CHODL: variants seen among roughly 807,000 people sequenced by gnomAD.
CHODL encodes the protein chondrolectin, also known as transmembrane protein MT75.
Under a neutral mutation model 34.5 loss-of-function variants are expected in CHODL, and 29 were observed. The ratio of observed to expected loss-of-function variants is 0.84; its 90% confidence interval spans 0.63 to 1.15. The LOEUF (loss-of-function observed/expected upper bound fraction) is 1.15. Ranked by LOEUF, CHODL falls within the 50% of genes most tolerant of loss-of-function variation. The probability of loss-of-function intolerance (pLI) is 0.00; values close to 1 mark genes in which losing one functional copy is unlikely to be tolerated. For missense variants in CHODL, 332 were observed against 332.5 expected (o/e 1.00, Z 0.01); for synonymous variants, 125 against 116.1 (o/e 1.08, Z -0.49).
intron 1 of CHODL, among the ~76,000 whole-genome samples, chr21:17,977,850 T>G (rs202416): frequency 7.2e-6 from 1 of 139,088 alleles, no homozygotes; most frequent in Non-Finnish European, 1.5e-5. Context: ...ACCTGGGAGG[T>G]GGAGGTTGCA....
chr21:18,164,611 A>G (rs1029556822), intron 2 of CHODL, among the ~76,000 whole-genome samples: 2 of 152,206 alleles, frequency 1.3e-5, no homozygotes, highest in African/African-American at 2.4e-5. Context: ...CACCTACATC[A>G]TAAGATTTTT....
At chr21:18,005,850 T>C (rs157751) in intron 1 of CHODL, among the ~76,000 whole-genome samples, 5,298 of 152,140 alleles carry the variant, frequency 0.035, 288 homozygotes, top group African/African-American at 0.12. Context: ...AGGGAGAGCA[T>C]CAGGCAGAAT....
At chr21:18,185,465 A>G (rs913130047) in intron 2 of CHODL, among the ~76,000 whole-genome samples, 2 of 152,126 alleles carry the variant, frequency 1.3e-5, no homozygotes, top group Non-Finnish European at 2.9e-5. Flanking sequence ...CTACCTGTGA[A>G]CACTGCTGCA....
Position 18,262,880 on chromosome 21 carries a change from A to G in CHODL, c.724A>G (p.Met242Val). 6.3e-7 allele frequency: 1 copy of G among 1,596,678 alleles called. No homozygotes were observed. The part of the protein sequence containing the change: ...LVAFGTCCFQ[M>V]LHKSKGRTKT... ...TGCTTTTGGAACCTGTTGTTTCCAGATGCTGCATAAAAGGTAAATAACTCA... is the reference window on the plus strand; with the variant it reads ...TGCTTTTGGAACCTGTTGTTTCCAGGTGCTGCATAAAAGGTAAATAACTCA... Residue 242 changes from methionine (M) to valine (V), a missense_variant, in exon 5 of 6, where the codon ATG (methionine) becomes GTG (valine). By Grantham distance (21) the Met-to-Val change is conservative (BLOSUM62 1). Transcript: ENST00000299295.
intron 2 of CHODL, among the ~76,000 whole-genome samples, chr21:18,104,309 T>G (rs527750229): frequency 6.6e-6 from 1 of 152,162 alleles, no homozygotes; most frequent in Non-Finnish European, 1.5e-5. Context: ...TAGTGAGTTC[T>G]CATGAAAATC....
At chr21:18,219,435 G>A (rs1204285932) in intron 2 of CHODL, among the ~76,000 whole-genome samples, 2 of 152,062 alleles carry the variant, frequency 1.3e-5, no homozygotes, top group Non-Finnish European at 2.9e-5. Context: ...AAGACACATG[G>A]ATATTATGGG....
chr21:18,107,574 A>G (rs1225095480), intron 2 of CHODL, among the ~76,000 whole-genome samples: 1 of 152,212 alleles, frequency 6.6e-6, no homozygotes. Flanking sequence ...AGCCTTGTGA[A>G]GAGTTTCCTG....
chr21:18,256,845 A>T (rs1568960876), intron 2 of CHODL, 27 bp downstream of exon 2: 5 of 1,599,352 alleles, frequency 3.1e-6, no homozygotes, highest in Non-Finnish European at 4.3e-6. Flanking sequence ...AGCAGTTGGC[A>T]GGTGCTCTGG....
At chr21:17,955,631 G>GA (rs974054871) in intron 1 of CHODL, among the ~76,000 whole-genome samples, 14 of 136,934 alleles carry the variant, frequency 1.0e-4, no homozygotes, top group African/African-American at 2.8e-4. Flanking sequence ...AAATATACCT[G>GA]AAAATCATAT....
intron 2 of CHODL, among the ~76,000 whole-genome samples, chr21:18,128,486 G>C: frequency 6.6e-6 from 1 of 151,944 alleles, no homozygotes; most frequent in African/African-American, 2.4e-5. Context: ...ATTCCATTAA[G>C]GAAACTTCAA....
intron 1 of CHODL, among the ~76,000 whole-genome samples, chr21:18,248,892 TATA>T (rs1424015941): frequency 2.7e-5 from 3 of 110,738 alleles, no homozygotes; most frequent in Admixed American, 1.0e-4. Context: ...GTACCTATAA[TATA>T]ATACATATAT....
At chr21:18,080,154 G>T (rs2064923962) in intron 2 of CHODL, among the ~76,000 whole-genome samples, 1 of 152,032 alleles carries the variant, frequency 6.6e-6, no homozygotes, top group South Asian at 2.1e-4. Context: ...ATTAGTTCAT[G>T]TTCTTTGCTC....
At chr21:17,953,408 AGTGAGCCACGATT>A (rs1323610915) in intron 1 of CHODL, among the ~76,000 whole-genome samples, 1 of 152,154 alleles carries the variant, frequency 6.6e-6, no homozygotes, top group Admixed American at 6.5e-5. Flanking sequence ...TAGAGACTAC[AGTGAGCCACGATT>A]GTGCCACTGC....
At chr21:18,040,819 C>T (rs1394739) in intron 2 of CHODL, among the ~76,000 whole-genome samples, 65,472 of 151,448 alleles carry the variant, frequency 0.43, 14,430 homozygotes, top group Admixed American at 0.51. Flanking sequence ...GTAAAAAAAT[C>T]AGATGATATA....
At chr21:17,931,518 G>A (rs2063273526) in intron 1 of CHODL, among the ~76,000 whole-genome samples, 1 of 152,168 alleles carries the variant, frequency 6.6e-6, no homozygotes, top group South Asian at 2.1e-4. Context: ...ATCCCCAAAG[G>A]ATCGTACTAG....
chr21:18,052,397 G>A (rs946674724), intron 2 of CHODL, among the ~76,000 whole-genome samples: 1 of 151,924 alleles, frequency 6.6e-6, no homozygotes, highest in Non-Finnish European at 1.5e-5. Flanking sequence ...TTCTAACCCA[G>A]AGATTCTGAC....
At chr21:18,087,825 C>T (rs2146524530) in intron 2 of CHODL, among the ~76,000 whole-genome samples, 1 of 152,236 alleles carries the variant, frequency 6.6e-6, no homozygotes, top group East Asian at 1.9e-4. Flanking sequence ...ACTACAAAGA[C>T]ATACCTGAGA....
intron 1 of CHODL, among the ~76,000 whole-genome samples, chr21:17,992,522 C>G (rs1250147847): frequency 1.3e-5 from 2 of 151,950 alleles, no homozygotes. Flanking sequence ...GATATTTCAC[C>G]TCCTTGTTGA....
chr21:18,250,256 T>TA (rs1487025814), intron 1 of CHODL, among the ~76,000 whole-genome samples: 1 of 152,060 alleles, frequency 6.6e-6, no homozygotes, highest in Non-Finnish European at 1.5e-5. Flanking sequence ...CATGAACTCT[T>TA]AAGTCACAAT....
Sources: allele counts gnomAD v4.1 joint callset (sites outside exome capture counted in the v4.1 genomes callset), GRCh38; gene constraint gnomAD v4.1.1; transcripts MANE v1.5; gene names NCBI Gene and HGNC (gene_info 2026-07-23, HGNC 2026-07-21).